Variants in FRAS1 observed in about 807,000 individuals in gnomAD.
FRAS1 encodes the protein extracellular matrix organizing protein FRAS1.
In FRAS1, 290 loss-of-function variants were observed where a neutral mutation model predicts 435.2. The observed-to-expected ratio is 0.67, with a 90% confidence interval of 0.61 to 0.73. The LOEUF (loss-of-function observed/expected upper bound fraction) is 0.73, where lower values mean the gene tolerates loss of function less well. Ranked by LOEUF, FRAS1 falls within the 30% of genes least tolerant of loss-of-function variation. The pLI is 0.00. For missense variants in FRAS1, 4,860 were observed against 5,001.5 expected (o/e 0.97, Z 0.85); for synonymous variants, 1,800 against 1,851.0 (o/e 0.97, Z 0.71).
At chr4:78,114,855 T>G (rs138489565) in intron 2 of FRAS1, among the ~76,000 whole-genome samples, 20,360 of 127,840 alleles carry the variant, frequency 0.16, no homozygotes, top group African/African-American at 0.21. Flanking sequence ...GGCCAGAACT[T>G]CCAACACTAT....
intron 38 of FRAS1, among the ~76,000 whole-genome samples, chr4:78,437,456 G>T (rs538767248): frequency 6.6e-6 from 1 of 152,340 alleles, no homozygotes; most frequent in East Asian, 1.9e-4. Context: ...CTGAAGTCTT[G>T]CAGCTTTGAT....
Position 78,451,742 on chromosome 4 carries a change from G to A in FRAS1, c.6464-30G>A, listed in dbSNP as rs546575862. 3.3e-5 allele frequency: 52 copies of A among 1,556,682 alleles called. No homozygotes were observed. The East Asian group carries it at 4.1e-4, about 12-fold the overall frequency. ...GAAATAAGGGCAGAAAGCACTAATA[G>A]CAAATCTTGATTTTTTTTCCTTTTT... On this transcript the variant is annotated intron_variant, in intron 45 of 73. Coordinates refer to ENST00000512123, the MANE Select transcript of FRAS1 (RefSeq NM_025074.7).
At chr4:78,525,250 T>C (rs1403078297) in intron 69 of FRAS1, among the ~76,000 whole-genome samples, 5 of 152,222 alleles carry the variant, frequency 3.3e-5, no homozygotes, top group Non-Finnish European at 5.9e-5. Context: ...TATTTGAATA[T>C]TTCTATTAAT....
chr4:78,374,790 C>T (rs915138323), intron 25 of FRAS1, among the ~76,000 whole-genome samples: 3 of 152,136 alleles, frequency 2.0e-5, no homozygotes, highest in East Asian at 1.9e-4. Flanking sequence ...AAACTTGGTT[C>T]GTATGCCCCA....
chr4:78,113,623 CT>C (rs1742896668), intron 2 of FRAS1, among the ~76,000 whole-genome samples: 2 of 152,180 alleles, frequency 1.3e-5, no homozygotes, highest in African/African-American at 4.8e-5. Context: ...CCATAAATGT[CT>C]TCTTTTGAGA....
intron 2 of FRAS1, among the ~76,000 whole-genome samples, chr4:78,178,043 C>G (rs374085779): frequency 6.6e-6 from 1 of 152,192 alleles, no homozygotes; most frequent in Non-Finnish European, 1.5e-5. Flanking sequence ...AGGCCATGCT[C>G]CCTCCCAAAG....
intron 2 of FRAS1, among the ~76,000 whole-genome samples, chr4:78,222,509 C>T (rs1724098892): frequency 6.6e-6 from 1 of 152,204 alleles, no homozygotes. Context: ...GAATGTTTGC[C>T]TTTGCATGTA....
chr4:78,467,600 T>G (rs1298448568), intron 50 of FRAS1, among the ~76,000 whole-genome samples: 1 of 152,226 alleles, frequency 6.6e-6, no homozygotes, highest in Non-Finnish European at 1.5e-5. Context: ...GCAGTGGGAT[T>G]GTTGGATTGT....
intron 2 of FRAS1, among the ~76,000 whole-genome samples, chr4:78,129,852 A>T (rs953187128): frequency 2.0e-5 from 3 of 149,556 alleles, no homozygotes; most frequent in African/African-American, 4.9e-5. Context: ...CAACTCTCCA[A>T]CTCTCCATTT....
chr4:78,215,600 G>A (rs778683482), intron 2 of FRAS1, among the ~76,000 whole-genome samples: 30 of 152,178 alleles, frequency 2.0e-4, no homozygotes, highest in Non-Finnish European at 3.8e-4. Context: ...GTATCCTTTA[G>A]ACAACTCCCT....
At chr4:78,275,299 A>G (rs2110169157) in intron 9 of FRAS1, among the ~76,000 whole-genome samples, 1 of 152,298 alleles carries the variant, frequency 6.6e-6, no homozygotes, top group South Asian at 2.1e-4. Flanking sequence ...TAATTGGAGC[A>G]TTTAGCCCAT....
At position 78,255,277 on chromosome 4, in the gene FRAS1, G is replaced by A. The variant is rs1725738788; in HGVS notation, c.505G>A (p.Gly169Arg). 1 of 1,554,580 alleles carries A rather than the reference G, an allele frequency of 6.4e-7. No homozygotes were observed. Among genetic ancestry groups the A allele is most frequent in the Non-Finnish European group, 8.7e-7 (1 of 1,148,316 alleles). ...CSYEGHVFQD[G>R]EDWRLSRCAK... ...CTATGAAGGCCATGTGTTTCAGGAT[G>A]GGGAGGACTGGCGGCTGAGCCGGTG... is the stretch of plus-strand genomic sequence containing the variant. The change falls in exon 6 of 74, where the codon GGG (glycine) becomes AGG (arginine). Residue 169 changes from glycine to arginine, a missense_variant. Gly to Arg is a moderately radical substitution (Grantham distance 125, BLOSUM62 -2). Transcript: ENST00000512123.
intron 2 of FRAS1, among the ~76,000 whole-genome samples, chr4:78,224,387 G>T (rs1296597195): frequency 6.6e-6 from 1 of 152,116 alleles, no homozygotes; most frequent in Non-Finnish European, 1.5e-5. Flanking sequence ...TTTTTATGAG[G>T]ATTCAATGTC....
At position 78,100,401 on chromosome 4, in the gene FRAS1, CTCCACTATTTT is replaced by C. The variant is rs1742062957; in HGVS notation, c.108+34392_108+34402del. Among the ~76,000 whole-genome samples the C allele has an allele frequency of 2.0e-5, 3 of 152,336 alleles. No individual in the cohort carries two copies. The South Asian group carries it at 6.2e-4, about 32-fold the overall frequency. On this transcript the variant is annotated intron_variant, in intron 2 of 73. Transcript: ENST00000512123. ...ACAGTCAGTGGCTTTCCTGCAGTTG[CTCCACTATTTT>C]TCCACTTTCTGAGGGCTGTGTCCTC...
chr4:78,431,842 A>G (rs1734232184), intron 37 of FRAS1, among the ~76,000 whole-genome samples: 3 of 152,214 alleles, frequency 2.0e-5, no homozygotes, highest in Admixed American at 2.0e-4. Context: ...CAGACTGCAC[A>G]GTTTAGGTTT....
chr4:78,471,523 GT>G (rs1274712065), intron 51 of FRAS1, among the ~76,000 whole-genome samples: 1 of 152,046 alleles, frequency 6.6e-6, no homozygotes, highest in East Asian at 1.9e-4. Flanking sequence ...TGCAGTAACT[GT>G]TATTAAAGTC....
At chr4:78,149,649 C>A (rs1032994698) in intron 2 of FRAS1, among the ~76,000 whole-genome samples, 27 of 152,208 alleles carry the variant, frequency 1.8e-4, no homozygotes, top group African/African-American at 6.5e-4. Context: ...ACAATTAACT[C>A]ATTCCTTTAA....
At chr4:78,275,107 A>T (rs1349937960) in intron 9 of FRAS1, among the ~76,000 whole-genome samples, 2 of 152,190 alleles carry the variant, frequency 1.3e-5, no homozygotes, top group Non-Finnish European at 2.9e-5. Context: ...CTTGGTTTAA[A>T]GTCTGTTTTA....
At chr4:78,122,059 T>C (rs1029673121) in intron 2 of FRAS1, among the ~76,000 whole-genome samples, 27 of 152,308 alleles carry the variant, frequency 1.8e-4, no homozygotes, top group African/African-American at 5.8e-4. Context: ...ACACGTGCCA[T>C]GGTGGTTTGC....
Sources: allele counts gnomAD v4.1 joint callset (sites outside exome capture counted in the v4.1 genomes callset), GRCh38; gene constraint gnomAD v4.1.1; transcripts MANE v1.5; gene names NCBI Gene and HGNC (gene_info 2026-07-23, HGNC 2026-07-21).